Variants in LOC112694756 observed in about 807,000 individuals in gnomAD.
At chr16:30,066,792 CAT>C in the LOC112694756 span, 45 of 1,393,982 alleles carry the variant, frequency 3.2e-5, no homozygotes, top group Non-Finnish European at 4.3e-5. Context: ...AGACCTTTCC[CAT>C]ATCTGGGCCC....
chr16:30,067,742 G>GC, the LOC112694756 span: 2 of 1,541,570 alleles, frequency 1.3e-6, no homozygotes, highest in East Asian at 4.5e-5. Context: ...GGGAATGAAT[G>GC]CTGGATTGGT....
At chr16:30,060,583 A>G in the LOC112694756 span, among the ~76,000 whole-genome samples, 1 of 152,142 alleles carries the variant, frequency 6.6e-6, no homozygotes, top group Non-Finnish European at 1.5e-5. Flanking sequence ...TATTAATGAC[A>G]AGATCTAAAC....
chr16:30,061,548 C>A, the LOC112694756 span, among the ~76,000 whole-genome samples: 1 of 65,566 alleles, frequency 1.5e-5, no homozygotes, highest in East Asian at 5.9e-4. Context: ...CCTCCATTTC[C>A]TTTTTTTTTT....
At chr16:30,067,224 C>T in the LOC112694756 span, 3 of 1,612,218 alleles carry the variant, frequency 1.9e-6, no homozygotes, top group African/African-American at 1.3e-5. Context: ...CCTCTGTTTC[C>T]TGTATCCAGG....
At chr16:30,067,557 A>C in the LOC112694756 span, 133 of 1,613,596 alleles carry the variant, frequency 8.2e-5, no homozygotes, top group Non-Finnish European at 1.0e-4. Flanking sequence ...GAACCCCTGC[A>C]TTGGGGGTGT....
chr16:30,068,576 C>T, the LOC112694756 span: 14 of 1,550,952 alleles, frequency 9.0e-6, no homozygotes, highest in Admixed American at 3.4e-5. Flanking sequence ...GTACTCCAGC[C>T]GGGGCGACAG....
At chr16:30,056,673 T>C in the LOC112694756 span, among the ~76,000 whole-genome samples, 1 of 152,026 alleles carries the variant, frequency 6.6e-6, no homozygotes, top group African/African-American at 2.4e-5. Context: ...CAATCATAGC[T>C]CACTGCAGCC....
the LOC112694756 span, among the ~76,000 whole-genome samples, chr16:30,060,296 A>G: frequency 5.9e-5 from 9 of 152,136 alleles, no homozygotes; most frequent in Non-Finnish European, 1.2e-4. Flanking sequence ...TTATATTCCT[A>G]TAAATGAGGA....
the LOC112694756 span, chr16:30,064,360 G>C: frequency 2.5e-6 from 1 of 398,782 alleles, no homozygotes; most frequent in Non-Finnish European, 4.4e-6. Context: ...ATTAGAGAAG[G>C]AGCCAGGGAG....
At chr16:30,064,309 GAAC>G in the LOC112694756 span, 1 of 395,826 alleles carries the variant, frequency 2.5e-6, no homozygotes. Context: ...CAGAGAATCA[GAAC>G]AGCCACCATC....
chr16:30,065,508 G>A, the LOC112694756 span, among the ~76,000 whole-genome samples: 1 of 152,186 alleles, frequency 6.6e-6, no homozygotes, highest in Non-Finnish European at 1.5e-5. Flanking sequence ...GCGCCAGGCT[G>A]GGGGAAAGGA....
chr16:30,055,838 C>T, the LOC112694756 span, among the ~76,000 whole-genome samples: 2 of 152,138 alleles, frequency 1.3e-5, no homozygotes, highest in African/African-American at 2.4e-5. Context: ...TTCACTCTCT[C>T]GCCCAGGCTG....
At chr16:30,055,222 C>T in the LOC112694756 span, 1 of 399,528 alleles carries the variant, frequency 2.5e-6, no homozygotes, top group East Asian at 3.6e-5. Context: ...AGCAAGGTTC[C>T]TCCGGGCCCC....
the LOC112694756 span, chr16:30,064,577 G>A: frequency 7.5e-6 from 3 of 398,450 alleles, no homozygotes; most frequent in African/African-American, 2.1e-5. Context: ...CCCATGCCGG[G>A]CCCCACGATA....
At chr16:30,070,215 G>T in the LOC112694756 span, 1 of 1,614,056 alleles carries the variant, frequency 6.2e-7, no homozygotes, top group Non-Finnish European at 8.5e-7. Flanking sequence ...CCTATTAAGC[G>T]GAGGTGTTCC....
chr16:30,064,247 A>T, the LOC112694756 span: 1 of 394,756 alleles, frequency 2.5e-6, no homozygotes, highest in Non-Finnish European at 4.5e-6. Flanking sequence ...TTATTTTAGG[A>T]GGTGAGTGTA....
chr16:30,062,564 C>T, the LOC112694756 span, among the ~76,000 whole-genome samples: 3 of 150,374 alleles, frequency 2.0e-5, no homozygotes, highest in African/African-American at 4.9e-5. Flanking sequence ...AAAAATGAGC[C>T]GAGCACGGTG....
chr16:30,053,849 T>C, the LOC112694756 span, among the ~76,000 whole-genome samples: 25 of 152,002 alleles, frequency 1.6e-4, no homozygotes, highest in African/African-American at 5.5e-4. Context: ...CAGGGCTAAA[T>C]TGGGAATTTT....
At chr16:30,067,230 C>G in the LOC112694756 span, 2 of 1,612,204 alleles carry the variant, frequency 1.2e-6, no homozygotes, top group South Asian at 2.2e-5. Flanking sequence ...TTTCCTGTAT[C>G]CAGGAACTTG....
Sources: gnomAD v4.1 joint callset for allele counts (sites outside exome capture counted in the v4.1 genomes callset) on GRCh38, gnomAD v4.1.1 for gene constraint, MANE v1.5 for transcripts.